Variants in ME1 observed in about 807,000 individuals in gnomAD.
ME1 encodes the protein NADP-dependent malic enzyme.
A neutral mutation model predicts 66.4 loss-of-function variants in ME1; 74 were observed. The observed-to-expected ratio is 1.11, with a 90% CI of 0.92 to 1.35. ME1 has a LOEUF of 1.35. Among genes scored for constraint, ME1 ranks in the 40% most tolerant of loss-of-function variants. ME1 has a pLI of 0.00. For synonymous variants in ME1, 251 were observed against 235.6 expected (o/e 1.07, Z -0.60); for missense variants, 750 against 694.1 (o/e 1.08, Z -0.90).
At chr6:83,270,393 G>A (rs1437198015) in intron 6 of ME1, among the ~76,000 whole-genome samples, 1 of 150,472 alleles carries the variant, frequency 6.6e-6, no homozygotes, top group Admixed American at 6.7e-5. Flanking sequence ...TCTCCCTAAC[G>A]CCTTCTCAAA....
intron 1 of ME1, among the ~76,000 whole-genome samples, chr6:83,415,241 C>T (rs1404966857): frequency 6.6e-6 from 1 of 152,152 alleles, no homozygotes; most frequent in African/African-American, 2.4e-5. Context: ...AGACTATGAA[C>T]ATTAGACAGC....
At chr6:83,281,413 A>T (rs1175564170) in intron 6 of ME1, among the ~76,000 whole-genome samples, 1 of 152,232 alleles carries the variant, frequency 6.6e-6, no homozygotes, top group African/African-American at 2.4e-5. Flanking sequence ...TCATCTAACA[A>T]CATTACTTAT....
At chr6:83,293,548 T>A (rs1048729612) in intron 6 of ME1, among the ~76,000 whole-genome samples, 2 of 152,174 alleles carry the variant, frequency 1.3e-5, no homozygotes, top group African/African-American at 2.4e-5. Flanking sequence ...TATTTAGGTA[T>A]GTTTTACTGA....
chr6:83,233,590 T>C (rs1256793703), intron 9 of ME1, among the ~76,000 whole-genome samples: 1 of 152,118 alleles, frequency 6.6e-6, no homozygotes, highest in Admixed American at 6.5e-5. Context: ...ACTTCAAAGA[T>C]GAGCTGACTT....
chr6:83,243,089 T>C (rs1230959059), intron 7 of ME1, among the ~76,000 whole-genome samples: 1 of 151,078 alleles, frequency 6.6e-6, no homozygotes, highest in African/African-American at 2.4e-5. Flanking sequence ...GATACCCATC[T>C]CTACCCCCCA....
At chr6:83,352,228 A>G in intron 3 of ME1, 89 bp from the exon 4 acceptor site, 1 of 770,648 alleles carries the variant, frequency 1.3e-6, no homozygotes, top group South Asian at 2.7e-5. Flanking sequence ...TTTTTCAAAC[A>G]ACAATTTAAT....
chr6:83,288,794 A>G (rs1226649812), intron 6 of ME1, among the ~76,000 whole-genome samples: 2 of 152,176 alleles, frequency 1.3e-5, no homozygotes, highest in African/African-American at 4.8e-5. Flanking sequence ...TGAGCATGGA[A>G]TGTTTTTCCA....
intron 3 of ME1, among the ~76,000 whole-genome samples, chr6:83,380,698 T>C (rs1247794823): frequency 1.3e-5 from 2 of 151,634 alleles, no homozygotes; most frequent in Admixed American, 1.3e-4. Context: ...GGCTGGGGAG[T>C]GGGTAAGTGG....
intron 3 of ME1, among the ~76,000 whole-genome samples, chr6:83,354,411 C>T (rs1768850709): frequency 6.6e-6 from 1 of 152,174 alleles, no homozygotes; most frequent in Non-Finnish European, 1.5e-5. Context: ...GGATTATAGG[C>T]GTGAGCTACG....
At chr6:83,407,145 G>A (rs1259220341) in intron 2 of ME1, among the ~76,000 whole-genome samples, 1 of 151,968 alleles carries the variant, frequency 6.6e-6, no homozygotes, top group African/African-American at 2.4e-5. Context: ...ATCCATGGAT[G>A]AAAAAAACTA....
chr6:83,392,526 C>A, intron 3 of ME1: 1 of 539,746 alleles, frequency 1.9e-6, no homozygotes. Context: ...ATGACCCCTT[C>A]ATTGACCTCA....
chr6:83,349,452 AAT>A (rs148666004), intron 4 of ME1, among the ~76,000 whole-genome samples: 42,893 of 151,978 alleles, frequency 0.28, 6,745 homozygotes, highest in Middle Eastern at 0.48. Flanking sequence ...GTTTTTCAAA[AAT>A]TAAATCTTCA....
chr6:83,326,521 A>T (rs867197251), intron 5 of ME1, among the ~76,000 whole-genome samples: 1 of 95,174 alleles, frequency 1.1e-5, no homozygotes, highest in African/African-American at 4.3e-5. Flanking sequence ...AGAATCTACA[A>T]GGAACTTAAA....
intron 13 of ME1, among the ~76,000 whole-genome samples, 195 bp from the exon 14 acceptor site, chr6:83,212,289 GAA>G (rs972655421): frequency 1.3e-5 from 2 of 152,134 alleles, no homozygotes; most frequent in Admixed American, 1.3e-4. Flanking sequence ...TAGTGAGAGA[GAA>G]AAATGACATC....
chr6:83,365,119 T>C (rs1350841957), intron 3 of ME1, among the ~76,000 whole-genome samples: 1 of 152,180 alleles, frequency 6.6e-6, no homozygotes, highest in Non-Finnish European at 1.5e-5. Context: ...TGAGACAAAG[T>C]ATCGCTCTTG....
chr6:83,324,025 T>C (rs974466813), intron 5 of ME1, among the ~76,000 whole-genome samples: 2 of 152,060 alleles, frequency 1.3e-5, no homozygotes, highest in African/African-American at 2.4e-5. Context: ...AACTCAAGAT[T>C]AATAAACTCA....
intron 6 of ME1, among the ~76,000 whole-genome samples, chr6:83,283,598 A>G (rs1448201719): frequency 6.6e-6 from 1 of 152,168 alleles, no homozygotes; most frequent in Non-Finnish European, 1.5e-5. Flanking sequence ...AACAAAAACA[A>G]AAACAAACAA....
intron 5 of ME1, among the ~76,000 whole-genome samples, chr6:83,343,321 A>G (rs553616758): frequency 4.6e-5 from 7 of 152,268 alleles, no homozygotes; most frequent in Admixed American, 6.5e-5. Context: ...TAGGTACTCA[A>G]TGTTGGTCTA....
At chr6:83,244,322 G>T (rs1043729684) in intron 7 of ME1, among the ~76,000 whole-genome samples, 1 of 151,992 alleles carries the variant, frequency 6.6e-6, no homozygotes, top group Non-Finnish European at 1.5e-5. Flanking sequence ...AAATATAAAA[G>T]GAGAGAGAAC....
Sources: allele counts gnomAD v4.1 joint callset (sites outside exome capture counted in the v4.1 genomes callset), GRCh38; gene constraint gnomAD v4.1.1; transcripts MANE v1.5; gene names NCBI Gene and HGNC (gene_info 2026-07-23, HGNC 2026-07-21).